The following VRK1 variants were observed in gnomAD, a reference collection of about 807,000 sequenced individuals.
VRK1 encodes VRK serine/threonine kinase 1, also known as serine/threonine-protein kinase VRK1.
A neutral mutation model predicts 57.1 loss-of-function variants in VRK1; 33 were observed. The ratio of observed to expected loss-of-function variants is 0.58; its 90% CI spans 0.44 to 0.77. The LOEUF is 0.77. Among genes scored for constraint, VRK1 ranks in the 30% least tolerant of loss-of-function variants. The pLI, the probability that VRK1 is intolerant of heterozygous loss-of-function variation, is 0.00. For synonymous variants in VRK1, 137 were observed against 147.8 expected (o/e 0.93, Z 0.53); for missense variants, 413 against 477.3 (o/e 0.87, Z 1.25).
intron 3 of VRK1, among the ~76,000 whole-genome samples, chr14:96,838,474 A>G (rs1887310608): frequency 6.6e-6 from 1 of 152,208 alleles, no homozygotes; most frequent in Non-Finnish European, 1.5e-5. Context: ...CTTCAAAATT[A>G]CTTGATACAT....
At chr14:96,873,984 C>T (rs1019214123) in intron 11 of VRK1, among the ~76,000 whole-genome samples, 1 of 152,118 alleles carries the variant, frequency 6.6e-6, no homozygotes, top group Non-Finnish European at 1.5e-5. Context: ...ATTTTCCTTC[C>T]TATGTAATTT....
At chr14:96,845,594 A>G (rs762699851) in intron 3 of VRK1, among the ~76,000 whole-genome samples, 1 of 152,314 alleles carries the variant, frequency 6.6e-6, no homozygotes, top group Non-Finnish European at 1.5e-5. Context: ...GGAGATGCAT[A>G]ATATGGGCTC....
chr14:96,874,093 T>A (rs181442772), intron 11 of VRK1, among the ~76,000 whole-genome samples: 22 of 152,330 alleles, frequency 1.4e-4, no homozygotes, highest in Admixed American at 5.9e-4. Context: ...GATAGCTAGC[T>A]CCCTTTATGA....
At position 96,798,714 on chromosome 14, in the gene VRK1, G is replaced by GAGAATTTAATCT. The variant is rs1447420746; in HGVS notation, c.-6+1275_-6+1286dup. ...ACATGCTGAGCATGATACTTTGGGGGAGAATTTAATCTAGAATTTTGAAGC... is the reference window on the plus strand; with the variant it reads ...ACATGCTGAGCATGATACTTTGGGGGAGAATTTAATCTAGAATTTAATCTAGAATTTTGAAGC... On this transcript the variant is annotated intron_variant, in intron 1 of 12. Coordinates refer to ENST00000216639, the MANE Select transcript of VRK1 (RefSeq NM_003384.3). 2.0e-5 allele frequency among the ~76,000 whole-genome samples: 3 copies of GAGAATTTAATCT among 152,154 alleles called. No homozygotes were observed. In the East Asian group the frequency reaches 5.8e-4, roughly 29 times the overall value.
chr14:96,808,988 A>G (rs1886043356), intron 1 of VRK1, among the ~76,000 whole-genome samples: 2 of 152,186 alleles, frequency 1.3e-5, no homozygotes, highest in Non-Finnish European at 1.5e-5. Context: ...TAGAACGTCT[A>G]GAAGACTGGG....
At position 96,797,592 on chromosome 14, in the gene VRK1, T is replaced by C. The variant is rs71419296; in HGVS notation, c.-6+145T>C. The C allele has an allele frequency of 0.62, 93,276 of 151,538 alleles. 29,479 individuals are homozygous for C. Among genetic ancestry groups the C allele is most frequent in the African/African-American group, 0.66 (27,375 of 41,386 alleles). The allele number at this position is 151,538 out of a possible 1,614,324, so 9.4% of individuals were successfully genotyped here. A position where few individuals can be genotyped will look rare whatever the true frequency, so the allele number is the denominator to read the frequency against. On this transcript the variant is annotated intron_variant, in intron 1 of 12. Transcript: ENST00000216639. ...GTGCGGGAGTCGCCGTCAGCCTCGG[T>C]CGCCCCGCGGGACCGCGCTCCGCCG... is the stretch of plus-strand genomic sequence containing the variant.
At chr14:96,869,275 C>T (rs1192928826) in intron 11 of VRK1, among the ~76,000 whole-genome samples, 1 of 152,144 alleles carries the variant, frequency 6.6e-6, no homozygotes, top group Non-Finnish European at 1.5e-5. Flanking sequence ...GTTATTTAAT[C>T]CACTATTTAA....
At chr14:96,857,899 C>G (rs971072983) in intron 10 of VRK1, among the ~76,000 whole-genome samples, 3 of 152,100 alleles carry the variant, frequency 2.0e-5, no homozygotes, top group African/African-American at 4.8e-5. Flanking sequence ...TTTCCAACAC[C>G]AAATATTTGT....
rs1298227038 is a variant in VRK1, at chr14:96,855,256, G to A, written c.609G>A (p.Arg203=). The change falls in exon 8 of 13, where the codon CGG becomes CGA. Residue 203 remains arginine (R), a synonymous_variant. Coordinates refer to ENST00000216639, the MANE Select transcript of VRK1 (RefSeq NM_003384.3). ...VYLVDYGLAY[R]YCPEGVHKEY... is the part of the protein sequence containing the mutation. The stretch of plus-strand genomic sequence containing the variant: ...TGGTAGATTATGGCCTTGCTTATCG[G>A]TACTGCCCAGAAGGAGTTCATAAAG... The A allele has an allele frequency of 6.2e-7, 1 of 1,613,930 alleles. No individual in the cohort carries two copies.
At chr14:96,853,246 G>T (rs1478938878) in intron 7 of VRK1, 80 bp downstream of exon 7, 1 of 1,273,184 alleles carries the variant, frequency 7.9e-7, no homozygotes, top group Non-Finnish European at 1.1e-6. Flanking sequence ...TTTTGAACCT[G>T]TGTAGAAGTT....
intron 1 of VRK1, among the ~76,000 whole-genome samples, chr14:96,812,941 A>T (rs756648116): frequency 7.9e-5 from 12 of 152,200 alleles, no homozygotes; most frequent in Non-Finnish European, 1.0e-4. Flanking sequence ...CTTTCATTTT[A>T]CAGGTAAGGA....
rs1016582953 is a variant in VRK1, at chr14:96,860,833, A to T, written c.1068+98A>T. On this transcript the variant is annotated intron_variant, in intron 11 of 12. Transcript: ENST00000216639. The stretch of plus-strand genomic sequence containing the variant: ...AGCAGTAGTTCAATGAAGAACAATA[A>T]CAGATTGCATGGCAATTAAGGCAAA... The T allele has an allele frequency of 3.0e-6, 4 of 1,345,030 alleles. No homozygotes were observed. The African/African-American group carries it at 5.9e-5, about 20-fold the overall frequency. The allele number at this position is 1,345,030 out of a possible 1,614,324, so 83.3% of individuals were successfully genotyped here.
At chr14:96,875,244 G>A (rs949212109) in intron 11 of VRK1, among the ~76,000 whole-genome samples, 1 of 152,202 alleles carries the variant, frequency 6.6e-6, no homozygotes, top group East Asian at 1.9e-4. Flanking sequence ...GTTAGAAAAT[G>A]TTGTAGTGGT....
In VRK1 at chr14:96,805,141, T is replaced by C. The variant is rs112017972; in HGVS notation, c.-6+7694T>C. On this transcript the variant is annotated intron_variant, in intron 1 of 12. Coordinates refer to ENST00000216639, the MANE Select transcript of VRK1 (RefSeq NM_003384.3). ...TCATGGCAAAGAGGAGACTCAGGGG[T>C]TATTTAATCAGTATGTCCTGATACT... 2.5e-3 allele frequency among the ~76,000 whole-genome samples: 382 copies of C among 152,120 alleles called. 3 individuals carry two copies. The highest frequency in any genetic ancestry group is 8.4e-3 in the African/African-American group (350 of 41,494).
intron 11 of VRK1, among the ~76,000 whole-genome samples, chr14:96,872,901 T>G (rs943168414): frequency 5.3e-5 from 8 of 152,226 alleles, no homozygotes; most frequent in Non-Finnish European, 8.8e-5. Context: ...ATTAACTGAT[T>G]AGTCACATGG....
At chr14:96,801,760 T>C (rs1321470492) in intron 1 of VRK1, among the ~76,000 whole-genome samples, 1 of 152,210 alleles carries the variant, frequency 6.6e-6, no homozygotes, top group African/African-American at 2.4e-5. Flanking sequence ...GAAAATATTA[T>C]TAAGAAAACC....
chr14:96,824,535 T>A (rs533444336), intron 1 of VRK1, among the ~76,000 whole-genome samples: 29 of 151,790 alleles, frequency 1.9e-4, no homozygotes, highest in African/African-American at 6.5e-4. Flanking sequence ...TCGGAGTGAG[T>A]TGGATAAGTA....
chr14:96,800,491 T>G (rs2139674395), intron 1 of VRK1, among the ~76,000 whole-genome samples: 1 of 152,270 alleles, frequency 6.6e-6, no homozygotes, highest in Middle Eastern at 3.4e-3. Flanking sequence ...AGGAGTTAGA[T>G]TTTTAGTATT....
chr14:96,801,954 C>T (rs1192691001), intron 1 of VRK1, among the ~76,000 whole-genome samples: 1 of 152,056 alleles, frequency 6.6e-6, no homozygotes, highest in African/African-American at 2.4e-5. Context: ...GCACAGTTCA[C>T]ACTCATGTTG....
Sources: allele counts gnomAD v4.1 joint callset (sites outside exome capture counted in the v4.1 genomes callset), GRCh38; gene constraint gnomAD v4.1.1; transcripts MANE v1.5; gene names NCBI Gene and HGNC (gene_info 2026-07-23, HGNC 2026-07-21).